The following ERGIC1 variants were observed in gnomAD, a reference collection of about 807,000 sequenced individuals.
ERGIC1 encodes the protein endoplasmic reticulum-golgi intermediate compartment 1.
Under a neutral mutation model 38.3 loss-of-function variants are expected in ERGIC1, and 19 were observed. That is an observed-to-expected ratio of 0.50 (90% CI 0.35 to 0.73). ERGIC1 has a LOEUF of 0.73. Ranked by LOEUF, ERGIC1 falls within the 30% of genes least tolerant of loss-of-function variation. The probability of loss-of-function intolerance (pLI) is 0.01; values close to 1 mark genes in which losing one functional copy is unlikely to be tolerated. For missense variants in ERGIC1, 294 were observed against 389.2 expected, an observed-to-expected ratio of 0.76 and a Z score of 2.06; for synonymous variants, 124 against 157.6, an observed-to-expected ratio of 0.79 and a Z score of 1.60.
At chr5:172,909,310 G>A (rs895228083) in intron 3 of ERGIC1, among the ~76,000 whole-genome samples, 6 of 151,726 alleles carry the variant, frequency 4.0e-5, no homozygotes, top group South Asian at 2.1e-4. Context: ...TCAGGCATGC[G>A]CCACCACGCC....
intron 9 of ERGIC1, among the ~76,000 whole-genome samples, chr5:172,947,177 C>T (rs1199920573): frequency 1.3e-5 from 1 of 75,670 alleles, no homozygotes; most frequent in Non-Finnish European, 2.6e-5. Flanking sequence ...GAGTGAGACT[C>T]AATCTCAAAA....
intron 1 of ERGIC1, among the ~76,000 whole-genome samples, chr5:172,875,918 G>A (rs953863504): frequency 4.6e-5 from 7 of 152,260 alleles, no homozygotes; most frequent in East Asian, 1.9e-4. Flanking sequence ...TAGAATGCCC[G>A]CATTATGGAT....
At chr5:172,875,306 C>T (rs1762117631) in intron 1 of ERGIC1, among the ~76,000 whole-genome samples, 1 of 152,136 alleles carries the variant, frequency 6.6e-6, no homozygotes, top group South Asian at 2.1e-4. Flanking sequence ...GTTTTTATCT[C>T]TGCTCTCAAC....
intron 1 of ERGIC1, among the ~76,000 whole-genome samples, chr5:172,882,312 G>A (rs1190330623): frequency 1.3e-5 from 2 of 152,206 alleles, no homozygotes; most frequent in African/African-American, 2.4e-5. Flanking sequence ...GGTATATTAG[G>A]TGCTTAGCAA....
chr5:172,883,472 A>G (rs1762333739), intron 1 of ERGIC1, among the ~76,000 whole-genome samples: 1 of 152,168 alleles, frequency 6.6e-6, no homozygotes, highest in South Asian at 2.1e-4. Flanking sequence ...CTCTTGACAA[A>G]TGCCAGCCAG....
intron 1 of ERGIC1, among the ~76,000 whole-genome samples, chr5:172,886,549 G>A (rs78880967): frequency 6.6e-6 from 1 of 152,158 alleles, no homozygotes; most frequent in African/African-American, 2.4e-5. Flanking sequence ...TTGCCTAAGG[G>A]CCTAAAAGAG....
intron 8 of ERGIC1, chr5:172,933,651 C>G (rs1002464897): frequency 8.1e-5 from 12 of 147,930 alleles, no homozygotes; most frequent in Non-Finnish European, 1.5e-4. Context: ...CCGGGAGCCC[C>G]TGTTTCTTTT....
At chr5:172,870,065 CTCT>C (rs754695348) in intron 1 of ERGIC1, among the ~76,000 whole-genome samples, 8 of 152,200 alleles carry the variant, frequency 5.3e-5, no homozygotes, top group Admixed American at 6.5e-5. Context: ...GTCTCTCTCT[CTCT>C]TCTTGCTGTA....
chr5:172,834,971 C>T lies in ERGIC1; in HGVS notation c.20+538C>T, dbSNP rs1760999493. 6.6e-6 allele frequency among the ~76,000 whole-genome samples: 1 copy of T among 152,246 alleles called. No individual in the cohort carries two copies. Among genetic ancestry groups the T allele is most frequent in the Non-Finnish European group, 1.5e-5 (1 of 68,044 alleles). On this transcript the variant is annotated intron_variant, in intron 1 of 9. Transcript: ENST00000393784. The surrounding 1 kb of genome is among the most constrained non-coding windows in gnomAD (Gnocchi z 4.1). The stretch of plus-strand genomic sequence containing the variant: ...CTGCCCCCGCCCCTCCCTCCCTCAG[C>T]CCCAGCCCTGTCCGCTGGGTATGGG...
chr5:172,873,662 C>T (rs1454901695), intron 1 of ERGIC1, among the ~76,000 whole-genome samples: 1 of 152,224 alleles, frequency 6.6e-6, no homozygotes, highest in Non-Finnish European at 1.5e-5. Flanking sequence ...CAGGATGAGG[C>T]TGGCCAGGGT....
intron 3 of ERGIC1, chr5:172,897,844 T>C: frequency 2.4e-6 from 1 of 414,144 alleles, no homozygotes. Flanking sequence ...AGGCCCACAC[T>C]TGGTGAGGAA....
intron 9 of ERGIC1, among the ~76,000 whole-genome samples, chr5:172,943,631 A>G (rs1764058471): frequency 6.6e-6 from 1 of 152,200 alleles, no homozygotes; most frequent in South Asian, 2.1e-4. Flanking sequence ...AGTGGGCCCC[A>G]TTCTACAGAT....
intron 3 of ERGIC1, chr5:172,906,005 A>C: frequency 2.2e-6 from 1 of 454,486 alleles, no homozygotes; most frequent in Non-Finnish European, 4.4e-6. Flanking sequence ...CCGGTGTTTA[A>C]AGGTGGGAGT....
rs562774371 is a variant in ERGIC1, at chr5:172,918,569, A to C, written c.375+3731A>C. Among the ~76,000 whole-genome samples the C allele has an allele frequency of 2.5e-3, 387 of 152,370 alleles. 1 individual carries two copies. The highest frequency in any genetic ancestry group is 4.2e-3 in the Non-Finnish European group (286 of 68,034). On this transcript the variant is annotated intron_variant, in intron 5 of 9. Coordinates refer to ENST00000393784, the MANE Select transcript of ERGIC1 (RefSeq NM_001031711.3). ...GAAAAGAACATATGTATAGATATCA[A>C]AGAGCAGGGCTGGCGCTACCAGGCT...
chr5:172,855,155 C>A (rs1761513559), intron 1 of ERGIC1, among the ~76,000 whole-genome samples: 3 of 152,204 alleles, frequency 2.0e-5, no homozygotes, highest in Admixed American at 2.0e-4. Context: ...CCACCTACCA[C>A]CTCCCTGGAG....
intron 9 of ERGIC1, among the ~76,000 whole-genome samples, chr5:172,941,772 C>T (rs1242204931): frequency 1.3e-5 from 2 of 152,236 alleles, no homozygotes; most frequent in African/African-American, 4.8e-5. Flanking sequence ...CGACGTCCAT[C>T]TAAGGCAGAT....
chr5:172,858,268 G>A (rs1448806646), intron 1 of ERGIC1, among the ~76,000 whole-genome samples: 2 of 152,188 alleles, frequency 1.3e-5, no homozygotes, highest in East Asian at 1.9e-4. Context: ...CAGAGAGCTG[G>A]GGAGTGCCAG....
intron 1 of ERGIC1, among the ~76,000 whole-genome samples, chr5:172,857,194 C>T (rs1418745865): frequency 6.6e-6 from 1 of 152,198 alleles, no homozygotes; most frequent in Admixed American, 6.5e-5. Flanking sequence ...TCAGTTTCCT[C>T]ATTTGTAAAA....
intron 9 of ERGIC1, among the ~76,000 whole-genome samples, chr5:172,943,154 T>C (rs1207681072): frequency 6.6e-6 from 1 of 152,032 alleles, no homozygotes; most frequent in Non-Finnish European, 1.5e-5. Flanking sequence ...GTGGCAAGGA[T>C]TGAATGAGAA....
Sources: allele counts gnomAD v4.1 joint callset (sites outside exome capture counted in the v4.1 genomes callset), GRCh38; gene constraint gnomAD v4.1.1; non-coding constraint Gnocchi (gnomAD v3.1); transcripts MANE v1.5; gene names NCBI Gene and HGNC (gene_info 2026-07-23, HGNC 2026-07-21).